Variants in KIAA1217 observed in about 807,000 individuals in gnomAD.
KIAA1217 encodes sickle tail protein homolog.
Under a neutral mutation model 163.9 loss-of-function variants are expected in KIAA1217, and 88 were observed. The ratio of observed to expected loss-of-function variants is 0.54; its 90% CI spans 0.45 to 0.64. KIAA1217 has a LOEUF of 0.64. Among genes scored for constraint, KIAA1217 ranks in the 30% least tolerant of loss-of-function variants. The pLI is 0.00. For missense variants in KIAA1217, 2,372 were observed against 2,475.0 expected (o/e 0.96, Z 0.88); for synonymous variants, 903 against 923.1 (o/e 0.98, Z 0.39).
chr10:24,307,878 C>T (rs763272407), intron 2 of KIAA1217, among the ~76,000 whole-genome samples: 4 of 152,150 alleles, frequency 2.6e-5, no homozygotes, highest in Non-Finnish European at 4.4e-5. Context: ...GCAAAACTCC[C>T]GCATAGCTGC....
intron 9 of KIAA1217, among the ~76,000 whole-genome samples, chr10:24,502,481 G>A (rs530396153): frequency 6.6e-6 from 1 of 152,138 alleles, no homozygotes; most frequent in Admixed American, 6.5e-5. Context: ...ACGAATCTTG[G>A]TCAACAAATC....
At chr10:23,878,037 A>G (rs1376274548) in intron 1 of KIAA1217, among the ~76,000 whole-genome samples, 2 of 151,904 alleles carry the variant, frequency 1.3e-5, no homozygotes, top group African/African-American at 4.8e-5. Context: ...ACAGATGCGT[A>G]TTGTCACAGT....
At chr10:23,700,147 CT>C (rs1260337740) in intron 1 of KIAA1217, among the ~76,000 whole-genome samples, 1 of 152,184 alleles carries the variant, frequency 6.6e-6, no homozygotes, top group Non-Finnish European at 1.5e-5. Context: ...GCTTCTCTCA[CT>C]TATTCCTTCT....
chr10:23,802,249 C>T (rs961544754), intron 1 of KIAA1217, among the ~76,000 whole-genome samples: 1 of 152,274 alleles, frequency 6.6e-6, no homozygotes, highest in East Asian at 1.9e-4. Flanking sequence ...TCACTCTCAC[C>T]TCACATGCTG....
In KIAA1217 at chr10:24,376,859, G is replaced by C. The variant is rs562417912; in HGVS notation, c.355-4010G>C. Among the ~76,000 whole-genome samples the C allele has an allele frequency of 7.9e-5, 12 of 152,258 alleles. 1 individual carries two copies. In the South Asian group the frequency reaches 2.5e-3, roughly 32 times the overall value. On this transcript the variant is annotated intron_variant, in intron 2 of 20. Coordinates refer to ENST00000376454, the MANE Select transcript of KIAA1217 (RefSeq NM_019590.5). ...ATCTTTGCTCCTTTCATTTGGTAGA[G>C]TTTCAGGGCAAGCTGCTTTTTCTAT...
chr10:24,155,141 A>G (rs998296652), intron 2 of KIAA1217, among the ~76,000 whole-genome samples: 4 of 152,192 alleles, frequency 2.6e-5, no homozygotes, highest in African/African-American at 9.7e-5. Flanking sequence ...ATGTTACGGT[A>G]TATGTATTTT....
intron 1 of KIAA1217, among the ~76,000 whole-genome samples, chr10:24,211,539 TG>T (rs1413109452): frequency 0.43 from 42,380 of 97,930 alleles, 6,842 homozygotes; most frequent in East Asian, 0.54. Context: ...ATGGTTGTAT[TG>T]TATTGTATTG....
intron 9 of KIAA1217, among the ~76,000 whole-genome samples, chr10:24,502,038 C>T (rs888533297): frequency 6.6e-6 from 1 of 151,932 alleles, no homozygotes; most frequent in Non-Finnish European, 1.5e-5. Context: ...CTTGAGCCAC[C>T]GCGTCTGGCC....
intron 3 of KIAA1217, among the ~76,000 whole-genome samples, chr10:24,415,144 T>TCTGTTTC (rs1564638725): frequency 1.4e-5 from 2 of 143,968 alleles, no homozygotes. Context: ...GATAGAGTCT[T>TCTGTTTC]TCTGTTGTCA....
chr10:23,847,944 C>T (rs919799993), intron 1 of KIAA1217, among the ~76,000 whole-genome samples: 1 of 151,898 alleles, frequency 6.6e-6, no homozygotes, highest in Non-Finnish European at 1.5e-5. Context: ...TTCAAAAAAC[C>T]TCATTATTTC....
chr10:23,828,550 T>C (rs1838014185), intron 1 of KIAA1217, among the ~76,000 whole-genome samples: 1 of 152,238 alleles, frequency 6.6e-6, no homozygotes, highest in Non-Finnish European at 1.5e-5. Flanking sequence ...TAACCACTTA[T>C]AACTTTTTGT....
At chr10:24,211,546 TATTGTATTGTATTGTATTGTATTGTATTG>T (rs2068101921) in intron 1 of KIAA1217, among the ~76,000 whole-genome samples, 57 of 85,550 alleles carry the variant, frequency 6.7e-4, no homozygotes, top group African/African-American at 1.3e-3. Flanking sequence ...TATTGTATTG[TATTGTATTGTATTGTATTGTATTGTATTG>T]TATTGTATTG....
chr10:23,831,514 C>A (rs964207944), intron 1 of KIAA1217, among the ~76,000 whole-genome samples: 1 of 152,136 alleles, frequency 6.6e-6, no homozygotes, highest in Non-Finnish European at 1.5e-5. Context: ...ATACAACATA[C>A]AACAGGGATT....
intron 9 of KIAA1217, among the ~76,000 whole-genome samples, chr10:24,512,350 G>A (rs966696999): frequency 4.6e-5 from 7 of 152,116 alleles, no homozygotes; most frequent in African/African-American, 1.7e-4. Flanking sequence ...TAATATACTA[G>A]GCATAATATC....
chr10:24,140,013 T>A (rs1021309639), intron 2 of KIAA1217, among the ~76,000 whole-genome samples: 2 of 151,844 alleles, frequency 1.3e-5, no homozygotes, highest in African/African-American at 4.9e-5. Context: ...ATACTTTTTT[T>A]TTTTCCCCCT....
intron 2 of KIAA1217, among the ~76,000 whole-genome samples, chr10:24,168,409 C>T (rs1185688950): frequency 1.3e-5 from 2 of 152,280 alleles, no homozygotes; most frequent in East Asian, 1.9e-4. Context: ...CTGAGTTTGA[C>T]TACAGCATGG....
At chr10:24,077,845 A>G (rs1381145944) in intron 2 of KIAA1217, among the ~76,000 whole-genome samples, 1 of 152,206 alleles carries the variant, frequency 6.6e-6, no homozygotes, top group African/African-American at 2.4e-5. Context: ...CAATGTGGCC[A>G]GCATCTCTTG....
intron 2 of KIAA1217, among the ~76,000 whole-genome samples, chr10:24,137,328 G>A (rs904691728): frequency 3.3e-5 from 5 of 152,204 alleles, no homozygotes; most frequent in Non-Finnish European, 7.3e-5. Flanking sequence ...ACTGCAAGTA[G>A]GCATGCTCTC....
intron 1 of KIAA1217, among the ~76,000 whole-genome samples, chr10:23,989,158 T>C (rs750451370): frequency 2.0e-5 from 3 of 152,132 alleles, no homozygotes; most frequent in African/African-American, 7.2e-5. Flanking sequence ...ACAAAACATA[T>C]TGTACCTCAG....
Sources: gnomAD v4.1 joint callset for allele counts (sites outside exome capture counted in the v4.1 genomes callset) on GRCh38, gnomAD v4.1.1 for gene constraint, MANE v1.5 for transcripts, NCBI Gene and HGNC (gene_info 2026-07-23, HGNC 2026-07-21) for gene names.